TRIM55: variants seen among roughly 807,000 people sequenced by gnomAD.
TRIM55 encodes the protein tripartite motif-containing protein 55.
In TRIM55, 50 loss-of-function variants were observed where a neutral mutation model predicts 60.9. The ratio of observed to expected loss-of-function variants is 0.82; its 90% CI spans 0.65 to 1.04. The LOEUF (loss-of-function observed/expected upper bound fraction) is 1.04. Among genes scored for constraint, TRIM55 ranks in the 50% least tolerant of loss-of-function variants. The pLI, the probability that TRIM55 is intolerant of heterozygous loss-of-function variation, is 0.00. For missense variants in TRIM55, 681 were observed against 666.9 expected (o/e 1.02, Z -0.23); for synonymous variants, 237 against 238.1 (o/e 1.00, Z 0.04).
In TRIM55 at chr8:66,137,138, A is replaced by T. The variant is rs987287207; in HGVS notation, c.551A>T (p.Asp184Val). 1 of 1,614,182 alleles carries T rather than the reference A, an allele frequency of 6.2e-7. No homozygotes were observed. Among genetic ancestry groups the T allele is most frequent in the African/African-American group, 1.3e-5 (1 of 75,048 alleles). ...DGIAILVGSN[D>V]RVQGVISQLE... ...ATCGCCATCCTCGTGGGCAGCAACG[A>T]TCGAGTCCAGGGAGTGATCAGCCAG... The change falls in exon 4 of 10, where the codon GAT (aspartate) becomes GTT (valine). Residue 184 changes from aspartate (D) to valine (V), a missense_variant. Physicochemically the swap from Asp to Val is radical, Grantham distance 152. Transcript: ENST00000315962.
chr8:66,158,124 G>C (rs951183715), intron 9 of TRIM55, among the ~76,000 whole-genome samples: 1 of 147,246 alleles, frequency 6.8e-6, no homozygotes, highest in African/African-American at 2.5e-5. Context: ...CTGCCTCAGG[G>C]TAAGAGGATC....
chr8:66,142,074 C>T (rs1016993640), intron 4 of TRIM55, among the ~76,000 whole-genome samples: 1 of 152,202 alleles, frequency 6.6e-6, no homozygotes, highest in Non-Finnish European at 1.5e-5. Flanking sequence ...CTCAGCGTTA[C>T]AGTGGGGATG....
In TRIM55 at chr8:66,150,354, A is replaced by C. The variant is rs1810343122; in HGVS notation, c.873A>C (p.Ala291=). The stretch of plus-strand genomic sequence containing the variant: ...GTCTTTGTTGCAGAATCTCGGAAGC[A>C]TCAAAGGCATTTCAGATGGAGAAAA... The part of the protein sequence containing the change: ...AKTLLKKISE[A]SKAFQMEKIE... Residue 291 remains alanine (A), a synonymous_variant, in exon 7 of 10, where the codon GCA becomes GCC. Transcript: ENST00000315962. 1.2e-6 allele frequency: 2 copies of C among 1,614,252 alleles called. No homozygotes were observed. Among genetic ancestry groups the C allele is most frequent in the East Asian group, 4.5e-5 (2 of 44,884 alleles).
At chr8:66,147,813 A>AAAAACAC (rs1810185824) in intron 4 of TRIM55, among the ~76,000 whole-genome samples, 1 of 144,480 alleles carries the variant, frequency 6.9e-6, no homozygotes, top group Non-Finnish European at 1.5e-5. Context: ...AAAAAAAAAA[A>AAAAACAC]AAAACCACAA....
intron 7 of TRIM55, among the ~76,000 whole-genome samples, chr8:66,151,570 A>T (rs11992933): frequency 0.023 from 3,547 of 152,282 alleles, 131 homozygotes; most frequent in African/African-American, 0.076. Context: ...TCAGTGGGTC[A>T]GGAAAAGAGT....
At chr8:66,137,275 C>T (rs1298226371) in intron 4 of TRIM55, 85 bp downstream of exon 4, 9 of 907,356 alleles carry the variant, frequency 9.9e-6, no homozygotes, top group Non-Finnish European at 1.5e-5. Flanking sequence ...ACTAGACATC[C>T]CTATTCTGAC....
At chr8:66,122,240 A>G (rs567702329), upstream of TRIM55, among the ~76,000 whole-genome samples, 1 of 152,312 alleles carries the variant, frequency 6.6e-6, no homozygotes, top group East Asian at 1.9e-4. Context: ...CATTCTATTC[A>G]AAGTCACCCC....
chr8:66,135,727 T>G (rs1392162928), intron 3 of TRIM55, among the ~76,000 whole-genome samples: 5 of 152,106 alleles, frequency 3.3e-5, no homozygotes, highest in Non-Finnish European at 7.4e-5. Context: ...TAAAAACCCC[T>G]CTGAGTGTGG....
chr8:66,152,224 C>T (rs897732878), intron 7 of TRIM55, 153 bp from the exon 8 acceptor site: 1 of 1,034,796 alleles, frequency 9.7e-7, no homozygotes, highest in Non-Finnish European at 1.4e-6. Context: ...AAGCACAAAG[C>T]CCTGGCACGG....
chr8:66,132,611 G>C (rs531028876), intron 2 of TRIM55, among the ~76,000 whole-genome samples: 1 of 152,130 alleles, frequency 6.6e-6, no homozygotes, highest in Non-Finnish European at 1.5e-5. Flanking sequence ...AACGGTGAGG[G>C]GCCACAGCCA....
In TRIM55 at chr8:66,152,422, AAGG is replaced by A. The variant is rs753626224; in HGVS notation, c.1034_1036del (p.Gly345del). ...GAAGAAGGCGGAGAAGGAGAAAAAG[AAGG>A]AGAAGGAGAAGTGGGAGGAGAAGCA... On this transcript the variant is annotated inframe_deletion, in exon 8 of 10. Transcript: ENST00000315962. 6.2e-7 allele frequency: 1 copy of A among 1,611,652 alleles called. No homozygotes were observed. Among genetic ancestry groups the A allele is most frequent in the Non-Finnish European group, 8.5e-7 (1 of 1,178,278 alleles).
At chr8:66,150,791 T>G (rs567470460) in intron 7 of TRIM55, among the ~76,000 whole-genome samples, 1 of 152,132 alleles carries the variant, frequency 6.6e-6, no homozygotes, top group Non-Finnish European at 1.5e-5. Flanking sequence ...CTCAGCCTCC[T>G]GAGTAGCTGG....
Position 66,127,151 on chromosome 8 carries a change from A to C in TRIM55, c.-118A>C, listed in dbSNP as rs938518302. On this transcript the variant is annotated 5_prime_UTR_variant, in exon 1 of 10. Transcript: ENST00000315962. ...ACCAGGGCCTGAAACAATGTCCTCC[A>C]CCGAGAGAAACGTAAAGGACACTTG... The C allele has an allele frequency of 1.0e-5, 12 of 1,150,458 alleles. 1 individual carries two copies. Among genetic ancestry groups the C allele is most frequent in the Middle Eastern group, 2.6e-4 (1 of 3,784 alleles). The allele number at this position is 1,150,458 out of a possible 1,614,324, so 71.3% of individuals were successfully genotyped here.
chr8:66,114,231 G>A, the TRIM55 span, among the ~76,000 whole-genome samples: 1 of 152,170 alleles, frequency 6.6e-6, no homozygotes, highest in Admixed American at 6.5e-5. Flanking sequence ...TAGCATGCGA[G>A]AGGTAGCGGG....
At chr8:66,150,722 A>C (rs1810373051) in intron 7 of TRIM55, among the ~76,000 whole-genome samples, 1 of 151,732 alleles carries the variant, frequency 6.6e-6, no homozygotes, top group Non-Finnish European at 1.5e-5. Context: ...CCTAGAGTGC[A>C]ATGGCACGAT....
At position 66,165,206 on chromosome 8, in the gene TRIM55, C is replaced by T. The variant is rs562053981; in HGVS notation, c.1525-9265C>T. On this transcript the variant is annotated intron_variant, in intron 9 of 9. Coordinates refer to ENST00000315962, the MANE Select transcript of TRIM55 (RefSeq NM_184085.2). The stretch of plus-strand genomic sequence containing the variant: ...AATGGGCCAAAGTTCCAAGGAGGAG[C>T]AACCTTTGTGAGCCCCGCATCTCTA... Among the ~76,000 whole-genome samples the T allele has an allele frequency of 3.8e-3, 574 of 152,278 alleles. 1 individual carries two copies. The highest frequency in any genetic ancestry group is 7.7e-3 in the South Asian group (37 of 4,822).
intron 8 of TRIM55, among the ~76,000 whole-genome samples, chr8:66,153,697 T>C (rs545930062): frequency 7.2e-5 from 11 of 152,372 alleles, no homozygotes; most frequent in African/African-American, 2.6e-4. Context: ...GACTCACGTA[T>C]AAAGCCAACA....
the TRIM55 span, among the ~76,000 whole-genome samples, chr8:66,121,637 A>G: frequency 1.3e-5 from 2 of 152,174 alleles, no homozygotes; most frequent in Non-Finnish European, 2.9e-5. Flanking sequence ...ACTGGGTTCA[A>G]ATAAGGCAAA....
At position 66,174,712 on chromosome 8, in the gene TRIM55, C is replaced by CA; in HGVS notation, c.*124dup. 8.9e-7 allele frequency: 1 copy of CA among 1,127,514 alleles called. No homozygotes were observed. Among genetic ancestry groups the CA allele is most frequent in the East Asian group, 3.2e-5 (1 of 31,144 alleles). 69.8% of individuals were successfully genotyped at this position (1,127,514 alleles called of 1,614,324 possible). A position where few individuals can be genotyped will look rare whatever the true frequency, so the allele number is the denominator to read the frequency against. ...AAGGGACCTCTGAACAGGATTTCTG[C>CA]AAAAATAGCCCCAAACTGCAATTCC... On this transcript the variant is annotated 3_prime_UTR_variant, in exon 10 of 10. Coordinates refer to ENST00000315962, the MANE Select transcript of TRIM55 (RefSeq NM_184085.2).
Sources: allele counts gnomAD v4.1 joint callset (sites outside exome capture counted in the v4.1 genomes callset), GRCh38; gene constraint gnomAD v4.1.1; transcripts MANE v1.5; gene names NCBI Gene and HGNC (gene_info 2026-07-23, HGNC 2026-07-21).